Variants in AGBL4 observed in about 807,000 individuals in gnomAD.
AGBL4 encodes cytosolic carboxypeptidase 6.
Under a neutral mutation model 66.4 loss-of-function variants are expected in AGBL4, and 58 were observed. That is an observed-to-expected ratio of 0.87 (90% CI 0.71 to 1.09). The LOEUF is 1.09. AGBL4 is among the 50% of genes least tolerant of loss of function. AGBL4 has a pLI of 0.00. For synonymous variants in AGBL4, 234 were observed against 222.9 expected (o/e 1.05, Z -0.44); for missense variants, 579 against 631.0 (o/e 0.92, Z 0.88).
intron 1 of AGBL4, among the ~76,000 whole-genome samples, chr1:49,888,814 G>C (rs1571809607): frequency 6.6e-6 from 1 of 152,110 alleles, no homozygotes; most frequent in Non-Finnish European, 1.5e-5. Context: ...TCTGTAAAAT[G>C]GCATCTTCCT....
chr1:49,668,397 C>G (rs1383688788), intron 3 of AGBL4, among the ~76,000 whole-genome samples: 1 of 152,068 alleles, frequency 6.6e-6, no homozygotes, highest in Non-Finnish European at 1.5e-5. Context: ...GAAAAAAAAG[C>G]AGTGGAAGTA....
intron 1 of AGBL4, among the ~76,000 whole-genome samples, chr1:49,864,419 T>A (rs1454708410): frequency 6.6e-6 from 1 of 152,106 alleles, no homozygotes; most frequent in Admixed American, 6.5e-5. Flanking sequence ...AGAGATGCAG[T>A]GGGAGGCTCC....
At chr1:49,749,970 T>C (rs1397800058) in intron 2 of AGBL4, among the ~76,000 whole-genome samples, 1 of 152,166 alleles carries the variant, frequency 6.6e-6, no homozygotes, top group Non-Finnish European at 1.5e-5. Flanking sequence ...TATACATGTA[T>C]GTATGAAACA....
At chr1:49,395,431 C>T (rs1644937391) in intron 3 of AGBL4, among the ~76,000 whole-genome samples, 1 of 149,430 alleles carries the variant, frequency 6.7e-6, no homozygotes, top group Non-Finnish European at 1.5e-5. Context: ...GAGAGAAGTA[C>T]AAGAAGGTGA....
At chr1:48,651,969 C>T (rs1046577363) in intron 8 of AGBL4, among the ~76,000 whole-genome samples, 1 of 152,300 alleles carries the variant, frequency 6.6e-6, no homozygotes, top group Middle Eastern at 3.4e-3. Context: ...GACACAAAGG[C>T]CATTAAGGTT....
intron 3 of AGBL4, among the ~76,000 whole-genome samples, chr1:49,685,041 T>G (rs2124573515): frequency 6.6e-6 from 1 of 152,320 alleles, no homozygotes; most frequent in Non-Finnish European, 1.5e-5. Context: ...GGTAGTTTTT[T>G]GAACCTCACC....
intron 3 of AGBL4, among the ~76,000 whole-genome samples, chr1:49,690,294 T>C (rs563128946): frequency 6.6e-6 from 1 of 152,324 alleles, no homozygotes; most frequent in East Asian, 1.9e-4. Flanking sequence ...ATTGCTATGA[T>C]CTCGAACCAA....
intron 6 of AGBL4, among the ~76,000 whole-genome samples, chr1:48,750,218 C>T (rs1651468205): frequency 6.6e-6 from 1 of 152,176 alleles, no homozygotes; most frequent in South Asian, 2.1e-4. Context: ...AAGGACTGCA[C>T]CCCAGCCCAC....
intron 1 of AGBL4, among the ~76,000 whole-genome samples, chr1:50,007,599 C>G (rs1661232154): frequency 6.6e-6 from 1 of 151,960 alleles, no homozygotes; most frequent in Non-Finnish European, 1.5e-5. Context: ...TCTGTCCCTA[C>G]AAAAACAAAA....
chr1:49,748,300 T>C (rs1651158893), intron 2 of AGBL4, among the ~76,000 whole-genome samples: 1 of 152,132 alleles, frequency 6.6e-6, no homozygotes, highest in Admixed American at 6.6e-5. Flanking sequence ...CTGAGAATAA[T>C]GGTTTCCAGC....
At chr1:48,903,719 G>C (rs1652311095) in intron 5 of AGBL4, among the ~76,000 whole-genome samples, 1 of 152,122 alleles carries the variant, frequency 6.6e-6, no homozygotes, top group Non-Finnish European at 1.5e-5. Flanking sequence ...AGGCATTGGG[G>C]AGATAAAGAC....
At chr1:50,017,747 C>T (rs1355329568) in intron 1 of AGBL4, among the ~76,000 whole-genome samples, 1 of 151,956 alleles carries the variant, frequency 6.6e-6, no homozygotes, top group East Asian at 1.9e-4. Context: ...TAGAGAGGGG[C>T]AGGAGGGTGA....
intron 1 of AGBL4, among the ~76,000 whole-genome samples, chr1:49,976,941 T>A (rs1658609160): frequency 6.6e-6 from 1 of 152,230 alleles, no homozygotes; most frequent in Admixed American, 6.5e-5. Context: ...GATGATATCC[T>A]TCTGTAAAAG....
At chr1:49,881,219 C>T (rs1647267150) in intron 1 of AGBL4, among the ~76,000 whole-genome samples, 1 of 152,118 alleles carries the variant, frequency 6.6e-6, no homozygotes, top group South Asian at 2.1e-4. Context: ...GACATGAACT[C>T]ATCATTTTTT....
At chr1:49,121,083 G>C (rs757804664) in intron 4 of AGBL4, among the ~76,000 whole-genome samples, 37 of 152,052 alleles carry the variant, frequency 2.4e-4, no homozygotes, top group Non-Finnish European at 4.4e-4. Context: ...TCTATATACT[G>C]TTTATTCTAA....
intron 6 of AGBL4, among the ~76,000 whole-genome samples, chr1:48,701,929 C>G (rs1646808452): frequency 6.6e-6 from 1 of 152,314 alleles, no homozygotes; most frequent in African/African-American, 2.4e-5. Flanking sequence ...GAATGTTATA[C>G]TATTGGTATA....
At chr1:49,341,242 A>G (rs1346378027) in intron 3 of AGBL4, among the ~76,000 whole-genome samples, 3 of 152,194 alleles carry the variant, frequency 2.0e-5, no homozygotes, top group African/African-American at 7.2e-5. Context: ...TCTTTCCAGT[A>G]ACATATTCCA....
chr1:49,175,419 T>C (rs983823555), intron 4 of AGBL4, among the ~76,000 whole-genome samples: 5 of 152,056 alleles, frequency 3.3e-5, no homozygotes, highest in African/African-American at 1.2e-4. Context: ...AAAGGAAAGA[T>C]AATGGCAACT....
At chr1:49,785,122 C>G (rs1644421111) in intron 2 of AGBL4, among the ~76,000 whole-genome samples, 1 of 151,928 alleles carries the variant, frequency 6.6e-6, no homozygotes, top group South Asian at 2.1e-4. Flanking sequence ...CTCTAAAAGA[C>G]TAGAATTTAT....
Sources: allele counts gnomAD v4.1 joint callset (sites outside exome capture counted in the v4.1 genomes callset), GRCh38; gene constraint gnomAD v4.1.1; transcripts MANE v1.5; gene names NCBI Gene and HGNC (gene_info 2026-07-23, HGNC 2026-07-21).